Variants in NID1 observed in about 807,000 individuals in gnomAD.
The protein encoded by NID1 is nidogen-1.
Under a neutral mutation model 130.6 loss-of-function variants are expected in NID1, and 76 were observed. The observed-to-expected ratio is 0.58, with a 90% CI of 0.48 to 0.70. The LOEUF (loss-of-function observed/expected upper bound fraction) is 0.70, where lower values mean the gene tolerates loss of function less well. Ranked by LOEUF, NID1 falls within the 30% of genes least tolerant of loss-of-function variation. The pLI is 0.00. For synonymous variants in NID1, 665 were observed against 675.1 expected, an observed-to-expected ratio of 0.98 and a Z score of 0.23; for missense variants, 1,517 against 1,664.8, an observed-to-expected ratio of 0.91 and a Z score of 1.54.
At chr1:235,993,121 G>A (rs1572581587) in intron 13 of NID1, among the ~76,000 whole-genome samples, 1 of 152,148 alleles carries the variant, frequency 6.6e-6, no homozygotes. Flanking sequence ...TCCTTGGATT[G>A]GAAAATCAAC....
chr1:236,002,112 G>C (rs920502793), intron 12 of NID1, among the ~76,000 whole-genome samples: 1 of 152,244 alleles, frequency 6.6e-6, no homozygotes, highest in Admixed American at 6.5e-5. Flanking sequence ...CAGTGGCACA[G>C]TGGGAGAAGC....
chr1:236,027,177 G>A (rs1035120222), intron 7 of NID1, among the ~76,000 whole-genome samples: 1 of 152,118 alleles, frequency 6.6e-6, no homozygotes, highest in Non-Finnish European at 1.5e-5. Flanking sequence ...ACAGAGGAGA[G>A]GAGAGACAGT....
intron 8 of NID1, among the ~76,000 whole-genome samples, chr1:236,025,691 T>C (rs1366492154): frequency 6.6e-6 from 1 of 152,210 alleles, no homozygotes; most frequent in African/African-American, 2.4e-5. Context: ...TTAGATAGAA[T>C]CACGAATAGG....
intron 10 of NID1, among the ~76,000 whole-genome samples, chr1:236,014,240 T>G (rs1572596382): frequency 7.0e-6 from 1 of 141,870 alleles, no homozygotes; most frequent in Non-Finnish European, 1.5e-5. Context: ...TCTCTTTCTC[T>G]GTCTGTCTGC....
intron 5 of NID1, among the ~76,000 whole-genome samples, chr1:236,036,417 A>G (rs1231920962): frequency 1.3e-5 from 2 of 152,240 alleles, no homozygotes; most frequent in African/African-American, 4.8e-5. Context: ...AACGAATTTA[A>G]TTATAACTAT....
chr1:236,023,919 G>A lies in NID1; in HGVS notation c.2128+151C>T, dbSNP rs61833492. The A allele has an allele frequency of 3.0e-6, 3 of 1,009,886 alleles. No individual in the cohort carries two copies. The African/African-American group carries it at 4.9e-5, about 16-fold the overall frequency. 62.6% of individuals were successfully genotyped at this position (1,009,886 alleles called of 1,614,324 possible). A position where few individuals can be genotyped will look rare whatever the true frequency, so the allele number is the denominator to read the frequency against. On this transcript the variant is annotated intron_variant, in intron 9 of 19. Transcript: ENST00000264187. The stretch of plus-strand genomic sequence containing the variant: ...GAGTTTACCCACGGGAACAGTGAAT[G>A]TGAAGCATAAATAATTCAGGCCTGG...
chr1:235,998,503 C>T lies in NID1; in HGVS notation c.2528-4631G>A, dbSNP rs532814588. 6.6e-5 allele frequency among the ~76,000 whole-genome samples: 10 copies of T among 152,132 alleles called. No individual in the cohort carries two copies. The East Asian group carries it at 1.4e-3, about 21-fold the overall frequency. Reference sequence around the variant, plus strand: ...CAGCCTGGCCAACATGGAGAAACCCCGTCTGTACTAAAAGTACAAAAACTA... The same window carrying T: ...CAGCCTGGCCAACATGGAGAAACCCTGTCTGTACTAAAAGTACAAAAACTA... On this transcript the variant is annotated intron_variant, in intron 12 of 19. Coordinates refer to ENST00000264187, the MANE Select transcript of NID1 (RefSeq NM_002508.3).
intron 12 of NID1, among the ~76,000 whole-genome samples, chr1:236,005,212 G>A (rs146483051): frequency 3.9e-4 from 57 of 147,416 alleles, no homozygotes; most frequent in African/African-American, 1.4e-3. Context: ...GACCAGGTAA[G>A]AGAAGGCCCA....
intron 11 of NID1, among the ~76,000 whole-genome samples, chr1:236,012,505 C>T (rs534407404): frequency 7.1e-6 from 1 of 140,704 alleles, no homozygotes; most frequent in African/African-American, 2.7e-5. Flanking sequence ...TTGCAGTGAG[C>T]CAAGATCGTG....
intron 2 of NID1, among the ~76,000 whole-genome samples, chr1:236,046,589 G>A (rs1479736786): frequency 1.3e-5 from 2 of 151,402 alleles, no homozygotes; most frequent in East Asian, 1.9e-4. Context: ...AGGACAGCCT[G>A]TGCAAGATAC....
chr1:236,024,080 T>G lies in NID1; in HGVS notation c.2118A>C (p.Arg706=). Residue 706 remains arginine, a synonymous_variant, in exon 9 of 20, where the codon CGA becomes CGC. Coordinates refer to ENST00000264187, the MANE Select transcript of NID1 (RefSeq NM_002508.3). ...AATCAAAGGCTGTACCATAGCAGGT[T>G]CGCCCGTCTCCTCGGAAGCCGATGG... ...ECSIGFRGDG[R]TCYDIDECSE... The G allele has an allele frequency of 6.2e-7, 1 of 1,614,052 alleles. No individual in the cohort carries two copies.
At chr1:236,033,778 G>A (rs750396269) in intron 5 of NID1, among the ~76,000 whole-genome samples, 9 of 152,168 alleles carry the variant, frequency 5.9e-5, no homozygotes, top group Non-Finnish European at 1.2e-4. Flanking sequence ...CAGGGCAAAC[G>A]TGGTGAATTC....
chr1:236,034,460 G>A (rs547213500), intron 5 of NID1, among the ~76,000 whole-genome samples: 1 of 150,502 alleles, frequency 6.6e-6, no homozygotes, highest in Non-Finnish European at 1.5e-5. Context: ...AAAGAAAAAG[G>A]CATGAAATAC....
intron 15 of NID1, among the ~76,000 whole-genome samples, chr1:235,983,274 C>G (rs575184666): frequency 6.6e-6 from 1 of 152,198 alleles, no homozygotes; most frequent in Non-Finnish European, 1.5e-5. Flanking sequence ...ACCTTGGATG[C>G]TGGACACATC....
rs1384698025 is a variant in NID1 at position 236,026,233 on chromosome 1, A to T, written c.1739-92T>A. On this transcript the variant is annotated intron_variant, in intron 7 of 19. Transcript: ENST00000264187. ...AAGCTGAATCAACGGCTTTCAAGGC[A>T]CCAGTGGTATTCCCTGCCCATAAGG... 2.6e-6 allele frequency: 4 copies of T among 1,523,098 alleles called. No individual in the cohort carries two copies. In the East Asian group the frequency reaches 9.1e-5, roughly 35 times the overall value. 94.3% of individuals were successfully genotyped at this position (1,523,098 alleles called of 1,614,324 possible). A position where few individuals can be genotyped will look rare whatever the true frequency, so the allele number is the denominator to read the frequency against.
At chr1:236,036,611 T>A (rs1659270472) in intron 5 of NID1, among the ~76,000 whole-genome samples, 1 of 152,240 alleles carries the variant, frequency 6.6e-6, no homozygotes. Context: ...TGAAACTTAA[T>A]CCCCAATGTG....
intron 12 of NID1, among the ~76,000 whole-genome samples, chr1:235,994,090 TA>T (rs1300654904): frequency 6.6e-6 from 1 of 152,236 alleles, no homozygotes; most frequent in African/African-American, 2.4e-5. Flanking sequence ...TACTCCTAGG[TA>T]GTTCCTTTTA....
At position 236,041,913 on chromosome 1, in the gene NID1, C is replaced by A; in HGVS notation, c.1132G>T (p.Val378Phe). 6.2e-7 allele frequency: 1 copy of A among 1,604,310 alleles called. No individual in the cohort carries two copies. Among genetic ancestry groups the A allele is most frequent in the Non-Finnish European group, 8.5e-7 (1 of 1,174,056 alleles). ...ACTGCAACTTAAATGGTCTTACCAACTCCTGTTTCCTCAACTTCATCCACA... is the reference window on the plus strand; with the variant it reads ...ACTGCAACTTAAATGGTCTTACCAAATCCTGTTTCCTCAACTTCATCCACA... Reference protein sequence around the residue: ...IDVDEVEETGVVFSYNTDSRQ... With the variant: ...IDVDEVEETGFVFSYNTDSRQ... Residue 378 changes from valine (V) to phenylalanine (F), a missense_variant, in exon 4 of 20, where the codon GTT becomes TTT. By Grantham distance (50) the Val-to-Phe change is conservative. Coordinates refer to ENST00000264187, the MANE Select transcript of NID1 (RefSeq NM_002508.3).
Position 236,025,884 on chromosome 1 carries a change from G to T in NID1, c.1984+12C>A, listed in dbSNP as rs781252032. On this transcript the variant is annotated intron_variant, in intron 8 of 19. Transcript: ENST00000264187. ...TGAGCACCTGTGCCCAGCATGAGCTGTATCCCCTTACCCCTCACAGGCCCA... is the reference window on the plus strand; with the variant it reads ...TGAGCACCTGTGCCCAGCATGAGCTTTATCCCCTTACCCCTCACAGGCCCA... 1 of 1,613,350 alleles carries T rather than the reference G, an allele frequency of 6.2e-7. No homozygotes were observed. The highest frequency in any genetic ancestry group is 1.7e-5 in the Admixed American group (1 of 59,996).
Sources: gnomAD v4.1 joint callset for allele counts (sites outside exome capture counted in the v4.1 genomes callset) on GRCh38, gnomAD v4.1.1 for gene constraint, MANE v1.5 for transcripts, NCBI Gene and HGNC (gene_info 2026-07-23, HGNC 2026-07-21) for gene names.